Variants in PLCG2 observed in about 807,000 individuals in gnomAD.
PLCG2 encodes phospholipase C gamma 2, also known as 1-phosphatidylinositol 4,5-bisphosphate phosphodiesterase gamma-2.
Under a neutral mutation model 175.6 loss-of-function variants are expected in PLCG2, and 69 were observed. The observed-to-expected ratio is 0.39, with a 90% CI of 0.32 to 0.48. PLCG2 has a LOEUF of 0.48. Ranked by LOEUF, PLCG2 falls within the 20% of genes least tolerant of loss-of-function variation. The probability of loss-of-function intolerance (pLI) is 0.91; values close to 1 mark genes in which losing one functional copy is unlikely to be tolerated. For missense variants in PLCG2, 1,798 were observed against 1,650.9 expected (o/e 1.09, Z -1.54); for synonymous variants, 827 against 624.0 (o/e 1.33, Z -4.85).
At chr16:81,887,179 G>A (rs1414031468) in intron 9 of PLCG2, among the ~76,000 whole-genome samples, 2 of 151,868 alleles carry the variant, frequency 1.3e-5, no homozygotes, top group East Asian at 3.9e-4. Context: ...GAGTACAGTG[G>A]CGCGATCTCT....
intron 26 of PLCG2, 146 bp downstream of exon 26, chr16:81,934,677 G>C: frequency 1.6e-6 from 1 of 637,052 alleles, no homozygotes; most frequent in Non-Finnish European, 2.8e-6. Flanking sequence ...TTTGTCCTCC[G>C]AGTGAGGGAG....
chr16:81,917,771 G>C (rs1909902795), intron 19 of PLCG2, among the ~76,000 whole-genome samples: 1 of 152,086 alleles, frequency 6.6e-6, no homozygotes. Context: ...GCCCAGGCTG[G>C]AGTGCAGTGG....
chr16:81,870,775 A>T, intron 6 of PLCG2, 77 bp from the exon 7 acceptor site: 1 of 742,380 alleles, frequency 1.3e-6, no homozygotes, highest in Non-Finnish European at 2.2e-6. Flanking sequence ...TGAAACAAAA[A>T]TTATTCTATA....
intron 2 of PLCG2, among the ~76,000 whole-genome samples, chr16:81,849,482 G>A (rs1238056034): frequency 1.3e-5 from 2 of 152,160 alleles, no homozygotes; most frequent in African/African-American, 4.8e-5. Context: ...CTCTTGGCTG[G>A]GCGTGGTAGC....
intron 9 of PLCG2, among the ~76,000 whole-genome samples, chr16:81,884,689 TTTTTC>T (rs1295815976): frequency 6.7e-6 from 1 of 149,678 alleles, no homozygotes; most frequent in African/African-American, 2.6e-5. Context: ...TCCATTTACT[TTTTTC>T]TTTTACTTCA....
At chr16:81,775,510 A>G (rs1910379305), upstream of PLCG2, among the ~76,000 whole-genome samples, 2 of 152,070 alleles carry the variant, frequency 1.3e-5, no homozygotes, top group Admixed American at 1.3e-4. Flanking sequence ...CCCCATGGGG[A>G]TGAGGGCTTT....
chr16:81,885,027 A>G (rs184979590), intron 9 of PLCG2, among the ~76,000 whole-genome samples: 36 of 150,468 alleles, frequency 2.4e-4, no homozygotes, highest in Admixed American at 2.3e-3. Context: ...AGCTGGGACT[A>G]CAGGTATGTG....
At chr16:81,750,133 T>C (rs4889376) in intron 1 of PLCG2, among the ~76,000 whole-genome samples, 82,699 of 151,878 alleles carry the variant, frequency 0.54, 23,887 homozygotes, top group Non-Finnish European at 0.64. Context: ...TTTGGCTGGG[T>C]GTGGTGGCTC....
chr16:81,941,062 TAC>T (rs1262277338), intron 30 of PLCG2, among the ~76,000 whole-genome samples: 1 of 152,196 alleles, frequency 6.6e-6, no homozygotes, highest in African/African-American at 2.4e-5. Flanking sequence ...CATAAAAAAA[TAC>T]AGTCTTTTGA....
chr16:81,842,454 C>T (rs1905886369), intron 2 of PLCG2, among the ~76,000 whole-genome samples: 1 of 152,154 alleles, frequency 6.6e-6, no homozygotes, highest in Admixed American at 6.5e-5. Context: ...TAGCGCTCAG[C>T]GTGGGGTTCT....
At chr16:81,756,449 G>A (rs1372671110) in intron 2 of PLCG2, among the ~76,000 whole-genome samples, 1 of 152,184 alleles carries the variant, frequency 6.6e-6, no homozygotes, top group East Asian at 1.9e-4. Flanking sequence ...ACAGATGAGG[G>A]AACGGAGGCA....
chr16:81,787,647 A>G (rs1338350647), intron 2 of PLCG2, among the ~76,000 whole-genome samples: 1 of 151,786 alleles, frequency 6.6e-6, no homozygotes, highest in Non-Finnish European at 1.5e-5. Flanking sequence ...TATTTATATA[A>G]ATGTGCAAGC....
rs1208727184 is a variant in PLCG2, at chr16:81,956,563, C to G, written c.3571-132C>G. 7.8e-6 allele frequency: 5 copies of G among 639,816 alleles called. No homozygotes were observed. In the East Asian group the frequency reaches 1.1e-4, roughly 14 times the overall value. The allele number at this position is 639,816 out of a possible 1,614,324, so 39.6% of individuals were successfully genotyped here. ...TCTTTGGTTAAAATAGGCCCTGGCT[C>G]TTCTGGGCTAATCCAAGTTGCAAAA... On this transcript the variant is annotated intron_variant, in intron 31 of 32. Transcript: ENST00000564138.
Position 81,854,885 on chromosome 16 carries a change from G to T in PLCG2, c.337+298G>T, listed in dbSNP as rs113939998. 8.5e-4 allele frequency among the ~76,000 whole-genome samples: 129 copies of T among 152,250 alleles called. 1 individual carries two copies. The highest frequency in any genetic ancestry group is 2.9e-3 in the African/African-American group (120 of 41,548). ...TCATGCTGAGAGCTGAATAAGTGAT[G>T]ATTAGATAGTTTTAACACTGAAGGC... On this transcript the variant is annotated intron_variant, in intron 3 of 32. Coordinates refer to ENST00000564138, the MANE Select transcript of PLCG2 (RefSeq NM_002661.5).
intron 15 of PLCG2, among the ~76,000 whole-genome samples, chr16:81,905,812 A>G (rs2143644321): frequency 6.6e-6 from 1 of 152,124 alleles, no homozygotes; most frequent in Non-Finnish European, 1.5e-5. Flanking sequence ...CGTGCGCACC[A>G]CCATGCCTGG....
rs954575854 is a variant in PLCG2, at chr16:81,874,213, T to A, written c.648+3278T>A. On this transcript the variant is annotated intron_variant, in intron 7 of 32. Transcript: ENST00000564138. Reference sequence around the variant, plus strand: ...TATTTGGCTTCCCTTAGGAAAAAAATCGAGATCTGGCTATAAATAGGGTCA... The same window carrying A: ...TATTTGGCTTCCCTTAGGAAAAAAAACGAGATCTGGCTATAAATAGGGTCA... 2.0e-5 allele frequency among the ~76,000 whole-genome samples: 3 copies of A among 152,246 alleles called. No homozygotes were observed. In the East Asian group the frequency reaches 5.8e-4, roughly 29 times the overall value.
chr16:81,896,230 C>G (rs1039059406), intron 13 of PLCG2, among the ~76,000 whole-genome samples: 1 of 152,118 alleles, frequency 6.6e-6, no homozygotes, highest in African/African-American at 2.4e-5. Flanking sequence ...TTTCAGAACC[C>G]CCGAAAGAGA....
intron 5 of PLCG2, among the ~76,000 whole-genome samples, chr16:81,859,603 C>T (rs906590130): frequency 1.3e-5 from 2 of 151,748 alleles, no homozygotes; most frequent in South Asian, 2.1e-4. Context: ...GGCATGATCT[C>T]AGCTCACTGC....
chr16:81,831,757 C>G (rs577329430), intron 2 of PLCG2, among the ~76,000 whole-genome samples: 2 of 152,144 alleles, frequency 1.3e-5, no homozygotes, highest in Non-Finnish European at 2.9e-5. Flanking sequence ...CCCGCTCTTG[C>G]CCCAATCCTG....
Sources: gnomAD v4.1 joint callset for allele counts (sites outside exome capture counted in the v4.1 genomes callset) on GRCh38, gnomAD v4.1.1 for gene constraint, MANE v1.5 for transcripts, NCBI Gene and HGNC (gene_info 2026-07-23, HGNC 2026-07-21) for gene names.